The following PADI6 variants were observed in gnomAD, a reference collection of about 807,000 sequenced individuals.
PADI6 encodes the protein inactive protein-arginine deiminase type-6.
A neutral mutation model predicts 78.2 loss-of-function variants in PADI6; 66 were observed. The observed-to-expected ratio is 0.84, with a 90% confidence interval of 0.69 to 1.04. The LOEUF is 1.04. Ranked by LOEUF, PADI6 falls within the 50% of genes least tolerant of loss-of-function variation. PADI6 has a pLI of 0.00. For missense variants in PADI6, 854 were observed against 866.1 expected (o/e 0.99, Z 0.18); for synonymous variants, 397 against 346.9 (o/e 1.14, Z -1.60).
Position 17,399,178 on chromosome 1 carries a change from T to C in PADI6, c.1851+331T>C, listed in dbSNP as rs144806675. ...GGATGGGGTGCTATGCAACCCAGAG[T>C]CGAGGTTGCCGCGCATCTGCCAGCA... On this transcript the variant is annotated intron_variant, in intron 15 of 15. Transcript: ENST00000619609. 3.3e-3 allele frequency among the ~76,000 whole-genome samples: 500 copies of C among 152,180 alleles called. 7 individuals are homozygous for C. The highest frequency in any genetic ancestry group is 0.011 in the African/African-American group (472 of 41,516).
intron 14 of PADI6, 69 bp downstream of exon 14, chr1:17,397,210 C>T: frequency 1.3e-6 from 2 of 1,553,734 alleles, no homozygotes; most frequent in East Asian, 2.3e-5. Flanking sequence ...GGAAGGTTTC[C>T]ACCCACCCCT....
chr1:17,385,765 A>G (rs2075113240), intron 6 of PADI6, among the ~76,000 whole-genome samples: 1 of 152,170 alleles, frequency 6.6e-6, no homozygotes, highest in African/African-American at 2.4e-5. Context: ...GGTAGCTGGC[A>G]TTATCTGATG....
At chr1:17,399,138 T>C (rs2100329091) in intron 15 of PADI6, among the ~76,000 whole-genome samples, 1 of 152,214 alleles carries the variant, frequency 6.6e-6, no homozygotes, top group South Asian at 2.1e-4. Context: ...AGGGTGAACC[T>C]GTGAGGCCCA....
chr1:17,380,387 A>T (rs1454703297), intron 4 of PADI6, among the ~76,000 whole-genome samples: 9 of 144,242 alleles, frequency 6.2e-5, no homozygotes, highest in South Asian at 2.2e-4. Flanking sequence ...TTTTTTTTTG[A>T]GACGGAGTCT....
intron 8 of PADI6, among the ~76,000 whole-genome samples, chr1:17,390,781 TAAAGCAGAGAG>T (rs1184828454): frequency 1.3e-5 from 2 of 152,094 alleles, no homozygotes; most frequent in African/African-American, 2.4e-5. Flanking sequence ...ACAAAAGACA[TAAAGCAGAGAG>T]ATGTGGTATC....
intron 6 of PADI6, among the ~76,000 whole-genome samples, chr1:17,383,064 T>C (rs1226835817): frequency 6.6e-6 from 1 of 152,216 alleles, no homozygotes; most frequent in Non-Finnish European, 1.5e-5. Flanking sequence ...ATTACAGGTG[T>C]GAGCTACTGC....
rs1404884404 is a variant in PADI6 at position 17,372,222 on chromosome 1, G to A, written c.-24G>A. 1.2e-6 allele frequency: 2 copies of A among 1,601,930 alleles called. No individual in the cohort carries two copies. The highest frequency in any genetic ancestry group is 1.1e-5 in the South Asian group (1 of 90,824). Reference sequence around the variant, plus strand: ...GGCGTCTGAGGCTGCTGTGCTGAGTGAGGGCTGCGGTGCAGGCCTGAGGAT... The same window carrying A: ...GGCGTCTGAGGCTGCTGTGCTGAGTAAGGGCTGCGGTGCAGGCCTGAGGAT... On this transcript the variant is annotated 5_prime_UTR_variant, in exon 1 of 16. Transcript: ENST00000619609.
intron 15 of PADI6, 99 bp downstream of exon 15, chr1:17,398,946 A>AT (rs1244216858): frequency 1.5e-6 from 2 of 1,317,218 alleles, no homozygotes; most frequent in African/African-American, 2.9e-5. Context: ...TGGACAGCAG[A>AT]TAACGGTACC....
chr1:17,380,019 G>T (rs1021063637), intron 4 of PADI6, 32 bp downstream of exon 4: 1 of 1,610,356 alleles, frequency 6.2e-7, no homozygotes, highest in Non-Finnish European at 8.5e-7. Flanking sequence ...GGCAGGGAAG[G>T]GGCCCTATAA....
intron 13 of PADI6, among the ~76,000 whole-genome samples, chr1:17,395,899 C>G (rs540247103): frequency 6.6e-6 from 1 of 152,270 alleles, no homozygotes; most frequent in East Asian, 1.9e-4. Context: ...AAGGGGGACT[C>G]ACTTAGTACA....
chr1:17,394,977 C>G lies in PADI6; in HGVS notation c.1364C>G (p.Thr455Ser). 2 of 1,612,988 alleles carry G rather than the reference C, an allele frequency of 1.2e-6. No homozygotes were observed. The highest frequency in any genetic ancestry group is 1.7e-6 in the Non-Finnish European group (2 of 1,179,856). Residue 455 changes from threonine to serine, a missense_variant, in exon 12 of 16, where the codon ACC becomes AGC. Transcript: ENST00000619609. ...PSAEGRAMSK[T>S]LRDFLYAQQV... ...GCAGAGGGCCGGGCCATGAGTAAGA[C>G]CCTCCGAGACTTCCTCTATGCCCAG...
At chr1:17,380,954 G>GCAGA (rs2075066717) in intron 4 of PADI6, 93 bp from the exon 5 acceptor site, 2 of 1,048,720 alleles carry the variant, frequency 1.9e-6, no homozygotes, top group East Asian at 5.2e-5. Context: ...CCTGGAGAAA[G>GCAGA]GCTTGGCTGG....
chr1:17,392,668 C>T (rs1266385906), intron 9 of PADI6, among the ~76,000 whole-genome samples: 6 of 152,220 alleles, frequency 3.9e-5, no homozygotes, highest in Non-Finnish European at 7.3e-5. Flanking sequence ...CAGAGATAAA[C>T]TGGAACATAT....
At chr1:17,392,292 A>C (rs1185807552) in intron 9 of PADI6, 67 bp downstream of exon 9, 1 of 1,203,314 alleles carries the variant, frequency 8.3e-7, no homozygotes, top group Non-Finnish European at 1.2e-6. Flanking sequence ...GCCACCTAAG[A>C]GGAACTTCAC....
chr1:17,382,523 G>T (rs368033863), intron 6 of PADI6, among the ~76,000 whole-genome samples: 18 of 152,126 alleles, frequency 1.2e-4, no homozygotes, highest in African/African-American at 4.3e-4. Context: ...CCTCTAGAGC[G>T]GCAGCCACGG....
Position 17,388,427 on chromosome 1 carries a change from C to A in PADI6, c.726C>A (p.His242Gln). 1 of 1,613,792 alleles carries A rather than the reference C, an allele frequency of 6.2e-7. No homozygotes were observed. Among genetic ancestry groups the A allele is most frequent in the Non-Finnish European group, 8.5e-7 (1 of 1,179,802 alleles). ...TFELVLGPDQ[H>Q]AYTLALLGNH... The stretch of plus-strand genomic sequence containing the variant: ...AGTTGGTGCTGGGGCCCGACCAGCA[C>A]GCCTATACCTTGGCCCTCCTCGGGA... The change falls in exon 7 of 16, where the codon CAC (histidine) becomes CAA (glutamine). Residue 242 changes from histidine to glutamine, a missense_variant. Transcript: ENST00000619609.
intron 2 of PADI6, 33 bp from the exon 3 acceptor site, chr1:17,375,394 A>G (rs2075005142): frequency 1.3e-6 from 2 of 1,589,730 alleles, no homozygotes; most frequent in East Asian, 2.3e-5. Context: ...CCCGTCCAAC[A>G]CTGCCTATGG....
chr1:17,379,111 A>ATT (rs144547124), intron 3 of PADI6, among the ~76,000 whole-genome samples: 16,566 of 100,668 alleles, frequency 0.16, 2,088 homozygotes, highest in Non-Finnish European at 0.2. Context: ...TGCCCAGTTA[A>ATT]TTTTTTTTTT....
At chr1:17,391,139 C>T (rs2489606) in intron 8 of PADI6, among the ~76,000 whole-genome samples, 45,518 of 152,080 alleles carry the variant, frequency 0.3, 7,147 homozygotes, top group Middle Eastern at 0.41. Flanking sequence ...ACTACAGTCC[C>T]AATTTCAATA....
Sources: gnomAD v4.1 joint callset for allele counts (sites outside exome capture counted in the v4.1 genomes callset) on GRCh38, gnomAD v4.1.1 for gene constraint, MANE v1.5 for transcripts, NCBI Gene and HGNC (gene_info 2026-07-23, HGNC 2026-07-21) for gene names.